Variants in VSIR observed in about 807,000 individuals in gnomAD.
VSIR encodes V-set immunoregulatory receptor.
Under a neutral mutation model 31.0 loss-of-function variants are expected in VSIR, and 10 were observed. That is an observed-to-expected ratio of 0.32 (90% CI 0.20 to 0.55). VSIR has a LOEUF of 0.55. Among genes scored for constraint, VSIR ranks in the 20% least tolerant of loss-of-function variants. The probability of loss-of-function intolerance (pLI) is 0.93; values close to 1 mark genes in which losing one functional copy is unlikely to be tolerated. For synonymous variants in VSIR, 179 were observed against 180.1 expected (o/e 0.99, Z 0.05); for missense variants, 356 against 416.2 (o/e 0.86, Z 1.26).
intron 4 of VSIR, among the ~76,000 whole-genome samples, chr10:71,754,717 T>G (rs975379892): frequency 6.6e-6 from 1 of 152,192 alleles, no homozygotes. Flanking sequence ...GGGACAATGG[T>G]AGGACCAAAT....
At chr10:71,760,198 C>T (rs1398657401) in intron 3 of VSIR, among the ~76,000 whole-genome samples, 6 of 49,912 alleles carry the variant, frequency 1.2e-4, no homozygotes, top group East Asian at 5.7e-4. Flanking sequence ...TATGTATATA[C>T]ATATATATGT....
At chr10:71,763,524 G>A (rs1243570200) in intron 1 of VSIR, among the ~76,000 whole-genome samples, 2 of 152,206 alleles carry the variant, frequency 1.3e-5, no homozygotes, top group Non-Finnish European at 2.9e-5. Context: ...GGGACCCACT[G>A]GAAGAGCTGA....
In VSIR at chr10:71,747,562, C is replaced by CGTAGTTCCA. The variant is rs1839881995; in HGVS notation, c.*3682_*3690dup. 2 of 152,292 alleles carry CGTAGTTCCA rather than the reference C, an allele frequency of 1.3e-5. No homozygotes were observed. Among genetic ancestry groups the CGTAGTTCCA allele is most frequent in the Non-Finnish European group, 2.9e-5 (2 of 68,078 alleles). 9.4% of individuals were successfully genotyped at this position (152,292 alleles called of 1,614,324 possible). The stretch of plus-strand genomic sequence containing the variant: ...GGAAGCAGGAGACCCAGGGTTTAGT[C>CGTAGTTCCA]GTAGTTCCACCGTTTACTTGTTTTG... On this transcript the variant is annotated 3_prime_UTR_variant, in exon 7 of 7. Coordinates refer to ENST00000394957, the MANE Select transcript of VSIR (RefSeq NM_022153.2).
intron 1 of VSIR, 133 bp from the exon 2 acceptor site, chr10:71,762,159 G>A (rs1840409758): frequency 1.9e-6 from 2 of 1,051,542 alleles, no homozygotes; most frequent in Admixed American, 5.8e-5. Context: ...ACCTCCCTAA[G>A]ACTGCCTTCT....
rs577764052 is a variant in VSIR, at chr10:71,749,610, C to T, written c.*1643G>A. ...TGGCCACTCGAGGTGTCAGCCCCAT[C>T]TCCGGGCCTATGTTTACCCTCTCCT... On this transcript the variant is annotated 3_prime_UTR_variant, in exon 7 of 7. Transcript: ENST00000394957. 255 of 152,452 alleles carry T rather than the reference C, an allele frequency of 1.7e-3. No individual in the cohort carries two copies. Among genetic ancestry groups the T allele is most frequent in the Non-Finnish European group, 2.7e-3 (184 of 68,120 alleles). 9.4% of individuals were successfully genotyped at this position (152,452 alleles called of 1,614,324 possible).
At chr10:71,758,142 T>C (rs910668558) in intron 3 of VSIR, among the ~76,000 whole-genome samples, 10 of 152,188 alleles carry the variant, frequency 6.6e-5, no homozygotes, top group Non-Finnish European at 1.3e-4. Context: ...GAGACCAGCC[T>C]GACCAACATG....
In VSIR at chr10:71,751,982, C is replaced by G; in HGVS notation, c.705-121G>C. 3.6e-6 allele frequency: 4 copies of G among 1,102,530 alleles called. No homozygotes were observed. The South Asian group carries it at 4.2e-5, about 11-fold the overall frequency. 68.3% of individuals were successfully genotyped at this position (1,102,530 alleles called of 1,614,324 possible). A position where few individuals can be genotyped will look rare whatever the true frequency, so the allele number is the denominator to read the frequency against. The stretch of plus-strand genomic sequence containing the variant: ...CTACATCCCCATCCCCAAGCCTCAG[C>G]AGCATCTCCAAGCAAGAAGGCAGGA... On this transcript the variant is annotated intron_variant, in intron 5 of 6. Coordinates refer to ENST00000394957, the MANE Select transcript of VSIR (RefSeq NM_022153.2). This position sits in a 1 kb window ranked among gnomAD's most constrained non-coding sequence, Gnocchi z 4.9.
chr10:71,753,788 CACA>C (rs1346642501), intron 4 of VSIR: 4 of 456,416 alleles, frequency 8.8e-6, no homozygotes, highest in Non-Finnish European at 1.8e-5. Flanking sequence ...GGGGGAGGGG[CACA>C]ACAACAGAAC....
At chr10:71,769,289 A>C (rs1840631681) in intron 1 of VSIR, among the ~76,000 whole-genome samples, 1 of 152,186 alleles carries the variant, frequency 6.6e-6, no homozygotes, top group Non-Finnish European at 1.5e-5. Context: ...AAGGGAAAGC[A>C]GCAGTTTTCA....
At chr10:71,764,594 G>A (rs1190144535) in intron 1 of VSIR, among the ~76,000 whole-genome samples, 2 of 152,132 alleles carry the variant, frequency 1.3e-5, no homozygotes, top group Non-Finnish European at 2.9e-5. Context: ...CTTTCCCACA[G>A]GGCAACTGTC....
At position 71,760,874 on chromosome 10, in the gene VSIR, T is replaced by A. The variant is rs1840363122; in HGVS notation, c.562A>T (p.Ser188Cys). The A allele has an allele frequency of 6.2e-7, 1 of 1,613,350 alleles. No homozygotes were observed. Among genetic ancestry groups the A allele is most frequent in the Admixed American group, 1.7e-5 (1 of 59,988 alleles). Residue 188 changes from serine (S) to cysteine (C), a missense_variant, in exon 3 of 7, where the codon AGT becomes TGT. Transcript: ENST00000394957. ...CAAGAGGTTGGTCCCTTACTTTCAC[T>A]ATCCTGGGAGGAGGATGGGTACACC... ...CVVYPSSSQD[S>C]ENITAAALAT...
At chr10:71,753,398 G>A (rs972999250) in intron 4 of VSIR, among the ~76,000 whole-genome samples, 8 of 152,228 alleles carry the variant, frequency 5.3e-5, no homozygotes, top group Non-Finnish European at 1.2e-4. Flanking sequence ...TCTCTTGTTT[G>A]AACATTTGCC....
chr10:71,755,170 C>G (rs1156754965), intron 4 of VSIR, 189 bp downstream of exon 4: 2 of 686,692 alleles, frequency 2.9e-6, no homozygotes, highest in East Asian at 5.7e-5. Context: ...ACTTGGCCCC[C>G]GGAAATGGCA....
intron 1 of VSIR, among the ~76,000 whole-genome samples, chr10:71,768,979 G>T (rs1840624593): frequency 6.6e-6 from 1 of 152,176 alleles, no homozygotes; most frequent in Non-Finnish European, 1.5e-5. Flanking sequence ...GGTGCCATCT[G>T]ACTACTCTCT....
At chr10:71,767,562 A>AGGCTGG (rs1189816369) in intron 1 of VSIR, among the ~76,000 whole-genome samples, 2 of 152,192 alleles carry the variant, frequency 1.3e-5, no homozygotes, top group Non-Finnish European at 2.9e-5. Context: ...GATGGTCCAC[A>AGGCTGG]GGCTGGGGCT....
chr10:71,771,018 A>G (rs1462895092), intron 1 of VSIR, among the ~76,000 whole-genome samples: 7 of 152,184 alleles, frequency 4.6e-5, no homozygotes, highest in South Asian at 2.1e-4. Context: ...GGGTTACTCA[A>G]CAAGGCCCTG....
chr10:71,753,917 T>C, intron 4 of VSIR: 2 of 456,052 alleles, frequency 4.4e-6, no homozygotes, highest in Non-Finnish European at 8.8e-6. Context: ...CCTCATCTCA[T>C]CCTCTGTGCC....
chr10:71,770,628 G>A (rs1487732727), intron 1 of VSIR, among the ~76,000 whole-genome samples: 3 of 152,168 alleles, frequency 2.0e-5, no homozygotes, highest in Admixed American at 1.3e-4. Context: ...TGTGGGGCTC[G>A]CTCACTGCCA....
chr10:71,754,216 T>C (rs1433714839), intron 4 of VSIR, among the ~76,000 whole-genome samples: 1 of 151,712 alleles, frequency 6.6e-6, no homozygotes, highest in Non-Finnish European at 1.5e-5. Context: ...CCCCCAGCCA[T>C]GGGTATTCCT....
Sources: allele counts gnomAD v4.1 joint callset (sites outside exome capture counted in the v4.1 genomes callset), GRCh38; gene constraint gnomAD v4.1.1; non-coding constraint Gnocchi (gnomAD v3.1); transcripts MANE v1.5; gene names NCBI Gene and HGNC (gene_info 2026-07-23, HGNC 2026-07-21).